The following LSAMP variants were observed in gnomAD, a reference collection of about 807,000 sequenced individuals.
The protein encoded by LSAMP is limbic system-associated membrane protein.
Under a neutral mutation model 38.6 loss-of-function variants are expected in LSAMP, and 7 were observed. The observed-to-expected ratio is 0.18, with a 90% confidence interval of 0.10 to 0.34. The LOEUF is 0.34. Ranked by LOEUF, LSAMP falls within the 10% of genes least tolerant of loss-of-function variation. The pLI, the probability that LSAMP is intolerant of heterozygous loss-of-function variation, is 1.00. For synonymous variants in LSAMP, 154 were observed against 166.8 expected, an observed-to-expected ratio of 0.92 and a Z score of 0.59; for missense variants, 313 against 420.0, an observed-to-expected ratio of 0.75 and a Z score of 2.23.
intron 1 of LSAMP, among the ~76,000 whole-genome samples, chr3:116,359,764 T>C (rs568929230): frequency 6.6e-6 from 1 of 152,272 alleles, no homozygotes; most frequent in South Asian, 2.1e-4. Flanking sequence ...AACTGCACCA[T>C]TTTCTAGCCA....
intron 1 of LSAMP, among the ~76,000 whole-genome samples, chr3:116,147,087 A>G (rs142212067): frequency 4.4e-4 from 67 of 151,986 alleles, no homozygotes; most frequent in African/African-American, 1.5e-3. Context: ...TGACATAACT[A>G]TGTCAGACTA....
At chr3:115,944,573 T>G (rs1195272534) in intron 3 of LSAMP, among the ~76,000 whole-genome samples, 1 of 152,216 alleles carries the variant, frequency 6.6e-6, no homozygotes, top group Non-Finnish European at 1.5e-5. Flanking sequence ...ATGCAGTAAG[T>G]GCCATTTACT....
At chr3:115,966,929 T>C (rs13090526) in intron 3 of LSAMP, among the ~76,000 whole-genome samples, 22,318 of 152,222 alleles carry the variant, frequency 0.15, 1,891 homozygotes, top group Non-Finnish European at 0.2. Flanking sequence ...GGTGGCATCC[T>C]GAAGGAAGGG....
chr3:115,842,516 T>C lies in LSAMP; in HGVS notation c.712A>G (p.Lys238Glu). ...GCAGGCACTGCCGAGGCCTCACATT[T>C]GAGTGAAGCTTGTCGTCCTGTGGTG... ...EATTGRQASL[K>E]CEASAVPAPD... Residue 238 changes from lysine to glutamate, a missense_variant, in exon 5 of 7, where the codon AAA (lysine) becomes GAA (glutamate). By Grantham distance (56) the Lys-to-Glu change is moderately conservative. Coordinates refer to ENST00000490035, the MANE Select transcript of LSAMP (RefSeq NM_002338.5). The C allele has an allele frequency of 6.2e-7, 1 of 1,614,000 alleles. No individual in the cohort carries two copies. The highest frequency in any genetic ancestry group is 2.2e-5 in the East Asian group (1 of 44,872).
At chr3:116,231,027 A>G (rs1200582390) in intron 1 of LSAMP, among the ~76,000 whole-genome samples, 1 of 152,120 alleles carries the variant, frequency 6.6e-6, no homozygotes, top group Non-Finnish European at 1.5e-5. Flanking sequence ...AAAAACCTTC[A>G]GCTGGTGAGA....
intron 3 of LSAMP, among the ~76,000 whole-genome samples, chr3:115,990,021 G>A (rs1939622561): frequency 1.3e-5 from 2 of 152,014 alleles, no homozygotes; most frequent in African/African-American, 2.4e-5. Context: ...TCAGAGTTAG[G>A]AGCTACAGAG....
At chr3:115,989,441 T>C (rs541800132) in intron 3 of LSAMP, among the ~76,000 whole-genome samples, 4 of 152,262 alleles carry the variant, frequency 2.6e-5, no homozygotes, top group Admixed American at 6.5e-5. Context: ...ACATTAGTAT[T>C]ACATCTAGCT....
chr3:116,055,274 GCA>G (rs759806954), intron 2 of LSAMP, among the ~76,000 whole-genome samples: 9 of 152,184 alleles, frequency 5.9e-5, no homozygotes, highest in Non-Finnish European at 1.2e-4. Flanking sequence ...TATTTGTCAT[GCA>G]CAGTGGTACA....
chr3:116,325,351 T>C (rs1186502009), intron 1 of LSAMP, among the ~76,000 whole-genome samples: 7 of 152,098 alleles, frequency 4.6e-5, no homozygotes. Context: ...TTTCTTAGAG[T>C]TACTTTTTGC....
chr3:116,027,130 G>T (rs1018928551), intron 2 of LSAMP, among the ~76,000 whole-genome samples: 1 of 152,046 alleles, frequency 6.6e-6, no homozygotes, highest in East Asian at 1.9e-4. Flanking sequence ...AAATTTAACT[G>T]GGCATCCTTT....
intron 3 of LSAMP, among the ~76,000 whole-genome samples, chr3:115,905,890 A>T (rs1286770301): frequency 6.6e-6 from 1 of 152,040 alleles, no homozygotes; most frequent in Non-Finnish European, 1.5e-5. Flanking sequence ...GATAGTGGGG[A>T]ATTACTGGGT....
chr3:116,246,977 A>AT (rs1219048793), intron 1 of LSAMP, among the ~76,000 whole-genome samples: 2 of 152,072 alleles, frequency 1.3e-5, no homozygotes, highest in South Asian at 4.1e-4. Flanking sequence ...TCCATCCCCG[A>AT]TTTTTTTGTG....
intron 3 of LSAMP, among the ~76,000 whole-genome samples, chr3:115,946,484 A>G (rs1187759424): frequency 1.3e-5 from 2 of 152,202 alleles, no homozygotes; most frequent in Admixed American, 6.5e-5. Context: ...AACAGCTGCT[A>G]AGAGGCTAGA....
intron 3 of LSAMP, among the ~76,000 whole-genome samples, chr3:115,908,864 A>G (rs1559876529): frequency 6.6e-6 from 1 of 152,028 alleles, no homozygotes; most frequent in Non-Finnish European, 1.5e-5. Context: ...TAGATGTTTG[A>G]CCTTCTGTCC....
intron 1 of LSAMP, among the ~76,000 whole-genome samples, chr3:116,246,344 T>C (rs1007105785): frequency 4.6e-5 from 7 of 152,214 alleles, no homozygotes; most frequent in African/African-American, 1.7e-4. Flanking sequence ...TAAATATATA[T>C]TAAAAATTTT....
chr3:116,026,374 C>T (rs141066189), intron 2 of LSAMP, among the ~76,000 whole-genome samples: 208 of 152,296 alleles, frequency 1.4e-3, no homozygotes, highest in African/African-American at 4.2e-3. Flanking sequence ...CACAAATCAT[C>T]CCTTCTTCTT....
intron 1 of LSAMP, among the ~76,000 whole-genome samples, chr3:116,309,318 A>T (rs9681440): frequency 6.6e-6 from 1 of 152,228 alleles, no homozygotes; most frequent in South Asian, 2.1e-4. Flanking sequence ...TTACTTTCTA[A>T]CCTAGAGCTG....
chr3:116,116,348 T>C (rs1170506228), intron 1 of LSAMP, among the ~76,000 whole-genome samples: 2 of 151,856 alleles, frequency 1.3e-5, no homozygotes, highest in African/African-American at 2.4e-5. Context: ...GTTTCTTTCA[T>C]GTTAGAGGCA....
At chr3:115,841,035 A>T (rs557048575) in intron 6 of LSAMP, among the ~76,000 whole-genome samples, 30 of 152,308 alleles carry the variant, frequency 2.0e-4, no homozygotes, top group Non-Finnish European at 3.2e-4. Flanking sequence ...CTCAGAGGGC[A>T]TCGGCATCTG....
Sources: gnomAD v4.1 joint callset for allele counts (sites outside exome capture counted in the v4.1 genomes callset) on GRCh38, gnomAD v4.1.1 for gene constraint, MANE v1.5 for transcripts, NCBI Gene and HGNC (gene_info 2026-07-23, HGNC 2026-07-21) for gene names.